Variants in ATXN10 observed in about 807,000 individuals in gnomAD.
ATXN10 encodes ataxin-10.
Under a neutral mutation model 52.9 loss-of-function variants are expected in ATXN10, and 28 were observed. The observed-to-expected ratio is 0.53, with a 90% CI of 0.39 to 0.73. The LOEUF is 0.73. ATXN10 is among the 30% of genes least tolerant of loss of function. The probability of loss-of-function intolerance (pLI) is 0.00; values close to 1 mark genes in which losing one functional copy is unlikely to be tolerated. For missense variants in ATXN10, 565 were observed against 577.0 expected (o/e 0.98, Z 0.21); for synonymous variants, 226 against 221.5 (o/e 1.02, Z -0.18).
chr22:45,751,427 TGAGA>T lies in ATXN10; in HGVS notation c.1173+10909_1173+10912del, dbSNP rs3077250. ...GGTGGTGATAGGGTTTGTGTGTTTT[TGAGA>T]GAGAGAGAGAGAGAGAGAGGAAGAG... is the stretch of plus-strand genomic sequence containing the variant. On this transcript the variant is annotated intron_variant, in intron 9 of 11. Transcript: ENST00000252934. Among the ~76,000 whole-genome samples the T allele has an allele frequency of 2.0e-4, 30 of 148,134 alleles. No individual in the cohort carries two copies. In the South Asian group the frequency reaches 3.1e-3, roughly 15 times the overall value.
chr22:45,760,668 A>G (rs941197927), intron 9 of ATXN10: 1 of 154,156 alleles, frequency 6.5e-6, no homozygotes, highest in African/African-American at 2.4e-5. Context: ...AGTTCTGAGT[A>G]TTCGTCTCTT....
intron 3 of ATXN10, among the ~76,000 whole-genome samples, chr22:45,699,203 C>T (rs535837178): frequency 6.6e-6 from 1 of 152,184 alleles, no homozygotes; most frequent in South Asian, 2.1e-4. Context: ...ATAACATTTG[C>T]AGTATTTACA....
chr22:45,735,041 G>A (rs1925239069), intron 7 of ATXN10, among the ~76,000 whole-genome samples: 1 of 151,786 alleles, frequency 6.6e-6, no homozygotes. Context: ...ACCATGTCCG[G>A]CTAATTTTTG....
chr22:45,707,797 G>C (rs914208290), intron 5 of ATXN10, among the ~76,000 whole-genome samples: 1 of 152,054 alleles, frequency 6.6e-6, no homozygotes, highest in Admixed American at 6.6e-5. Flanking sequence ...ATTTATGTGA[G>C]AGGAACTCTA....
chr22:45,730,203 A>G (rs1925033006), intron 7 of ATXN10, among the ~76,000 whole-genome samples: 1 of 151,726 alleles, frequency 6.6e-6, no homozygotes, highest in African/African-American at 2.4e-5. Flanking sequence ...AATTAACTGG[A>G]CATGGTGGCA....
intron 9 of ATXN10, among the ~76,000 whole-genome samples, chr22:45,767,245 G>A (rs1288960137): frequency 6.6e-6 from 1 of 152,166 alleles, no homozygotes; most frequent in African/African-American, 2.4e-5. Context: ...GAAATACAAT[G>A]CATTGTAAAA....
chr22:45,761,144 C>T (rs957245590), intron 9 of ATXN10, among the ~76,000 whole-genome samples: 3 of 152,030 alleles, frequency 2.0e-5, no homozygotes, highest in South Asian at 4.1e-4. Context: ...TTTTTTGAGA[C>T]GGAGTCTTGC....
In ATXN10 at chr22:45,769,455, A is replaced by G. The variant is rs775481838; in HGVS notation, c.1173+28917A>G. On this transcript the variant is annotated intron_variant, in intron 9 of 11. Transcript: ENST00000252934. This position sits in a 1 kb window ranked among gnomAD's most constrained non-coding sequence, Gnocchi z 4.2. ...CACAGAAGGCCCCCAATGCCACAGTATAGGGGGAATGGAGATGGCTTGGAA... is the reference window on the plus strand; with the variant it reads ...CACAGAAGGCCCCCAATGCCACAGTGTAGGGGGAATGGAGATGGCTTGGAA... Among the ~76,000 whole-genome samples the G allele has an allele frequency of 2.6e-5, 4 of 152,092 alleles. No individual in the cohort carries two copies. The highest frequency in any genetic ancestry group is 5.9e-5 in the Non-Finnish European group (4 of 68,012).
intron 10 of ATXN10, among the ~76,000 whole-genome samples, chr22:45,822,953 C>G (rs1251063451): frequency 6.6e-6 from 1 of 152,088 alleles, no homozygotes; most frequent in Non-Finnish European, 1.5e-5. Context: ...GAACTTTTTT[C>G]TATATCCAGG....
chr22:45,843,733 C>T lies in ATXN10; in HGVS notation c.*62C>T, dbSNP rs1241107381. ...GTTTCATGGATTTTTCATCTTCTAC[C>T]GTATGTGAAATTGCAAGTGTTTGAA... On this transcript the variant is annotated 3_prime_UTR_variant, in exon 12 of 12. Transcript: ENST00000252934. This position sits in a 1 kb window ranked among gnomAD's most constrained non-coding sequence, Gnocchi z 4.5. 9.9e-6 allele frequency: 15 copies of T among 1,514,652 alleles called. No individual in the cohort carries two copies. Among genetic ancestry groups the T allele is most frequent in the East Asian group, 6.8e-5 (3 of 44,290 alleles). The allele number at this position is 1,514,652 out of a possible 1,614,324, so 93.8% of individuals were successfully genotyped here.
At chr22:45,802,182 G>C (rs919683907) in intron 9 of ATXN10, among the ~76,000 whole-genome samples, 1 of 152,162 alleles carries the variant, frequency 6.6e-6, no homozygotes, top group Non-Finnish European at 1.5e-5. Context: ...TTTAAGCCAG[G>C]CTTATTGTCT....
intron 7 of ATXN10, among the ~76,000 whole-genome samples, chr22:45,734,891 T>C (rs1025202364): frequency 6.7e-6 from 1 of 149,746 alleles, no homozygotes; most frequent in African/African-American, 2.5e-5. Context: ...TTATTATTAT[T>C]ATTATTATTT....
chr22:45,733,334 A>G lies in ATXN10; in HGVS notation c.894+3744A>G, dbSNP rs1007327280. Among the ~76,000 whole-genome samples, 2 of 152,230 alleles carry G rather than the reference A, an allele frequency of 1.3e-5. No individual in the cohort carries two copies. The highest frequency in any genetic ancestry group is 1.3e-4 in the Admixed American group (2 of 15,284). Reference sequence around the variant, plus strand: ...CATATTTAATACATATTCTACAATAAATAGTGTATTTTTTCCACATATTAA... The same window carrying G: ...CATATTTAATACATATTCTACAATAGATAGTGTATTTTTTCCACATATTAA... On this transcript the variant is annotated intron_variant, in intron 7 of 11. Transcript: ENST00000252934. The surrounding 1 kb of genome is among the most constrained non-coding windows in gnomAD (Gnocchi z 4.4).
In ATXN10 at chr22:45,835,239, TGGCGTGGGCTCATGGGTCCTGCTTTG is replaced by T. The variant is rs1183928088; in HGVS notation, c.1238-7751_1238-7726del. The stretch of plus-strand genomic sequence containing the variant: ...ACGGGCTCATGGGTCCTGCTTTGCC[TGGCGTGGGCTCATGGGTCCTGCTTTG>T]CCTGGCGCGGGCGCTTGAGCTTTCA... On this transcript the variant is annotated intron_variant, in intron 10 of 11. Transcript: ENST00000252934. This position sits in a 1 kb window ranked among gnomAD's most constrained non-coding sequence, Gnocchi z 5.0. Among the ~76,000 whole-genome samples, 1 of 152,148 alleles carries T rather than the reference TGGCGTGGGCTCATGGGTCCTGCTTTG, an allele frequency of 6.6e-6. No homozygotes were observed. The highest frequency in any genetic ancestry group is 1.5e-5 in the Non-Finnish European group (1 of 68,032).
At chr22:45,811,673 A>G (rs1212686394) in intron 10 of ATXN10, 1 of 468,752 alleles carries the variant, frequency 2.1e-6, no homozygotes, top group African/African-American at 2.0e-5. Context: ...TGTTCACACA[A>G]TGATGATATT....
Position 45,824,936 on chromosome 22 carries a change from C to T in ATXN10, c.1237+17914C>T, listed in dbSNP as rs767008336. Among the ~76,000 whole-genome samples, 4 of 152,166 alleles carry T rather than the reference C, an allele frequency of 2.6e-5. No homozygotes were observed. The highest frequency in any genetic ancestry group is 7.2e-5 in the African/African-American group (3 of 41,438). On this transcript the variant is annotated intron_variant, in intron 10 of 11. Transcript: ENST00000252934. The surrounding 1 kb of genome is among the most constrained non-coding windows in gnomAD (Gnocchi z 5.2). ...TGAATCTGATGTAACTGTTTTGGTACGCTGAAGTCCACTGAAGTCTTGCAA... is the reference window on the plus strand; with the variant it reads ...TGAATCTGATGTAACTGTTTTGGTATGCTGAAGTCCACTGAAGTCTTGCAA...
At chr22:45,752,932 C>G (rs1041424792) in intron 9 of ATXN10, among the ~76,000 whole-genome samples, 6 of 151,924 alleles carry the variant, frequency 3.9e-5, no homozygotes, top group Non-Finnish European at 8.8e-5. Context: ...TGGGGTTTTC[C>G]CATGTTGGTC....
rs973025268 is a variant in ATXN10, at chr22:45,816,223, C to T, written c.1237+9201C>T. On this transcript the variant is annotated intron_variant, in intron 10 of 11. Coordinates refer to ENST00000252934, the MANE Select transcript of ATXN10 (RefSeq NM_013236.4). The surrounding 1 kb of genome is among the most constrained non-coding windows in gnomAD (Gnocchi z 5.8). ...AGCTGAGATTGTGTCATTGGCACGCCAGCCTGGGTGTTGCAGCAAGACTCT... is the reference window on the plus strand; with the variant it reads ...AGCTGAGATTGTGTCATTGGCACGCTAGCCTGGGTGTTGCAGCAAGACTCT... Among the ~76,000 whole-genome samples, 4 of 152,076 alleles carry T rather than the reference C, an allele frequency of 2.6e-5. No individual in the cohort carries two copies. Among genetic ancestry groups the T allele is most frequent in the Non-Finnish European group, 4.4e-5 (3 of 68,012 alleles).
chr22:45,672,172 C>A lies in ATXN10; in HGVS notation c.109C>A (p.Arg37=). 6 of 1,535,128 alleles carry A rather than the reference C, an allele frequency of 3.9e-6. No homozygotes were observed. Among genetic ancestry groups the A allele is most frequent in the Non-Finnish European group, 5.2e-6 (6 of 1,143,368 alleles). Residue 37 remains arginine, a synonymous_variant, in exon 1 of 12, where the codon CGG becomes AGG. Coordinates refer to ENST00000252934, the MANE Select transcript of ATXN10 (RefSeq NM_013236.4). The stretch of plus-strand genomic sequence containing the variant: ...GCTCACGGCGCTCTTCAAAGAGCAG[C>A]GGAACCGGTAACGGGTCCGGCCGGG... ...RALTALFKEQ[R]NRETAPRTIF...
Sources: gnomAD v4.1 joint callset for allele counts (sites outside exome capture counted in the v4.1 genomes callset) on GRCh38, gnomAD v4.1.1 for gene constraint, Gnocchi (gnomAD v3.1) non-coding constraint, MANE v1.5 for transcripts, NCBI Gene and HGNC (gene_info 2026-07-23, HGNC 2026-07-21) for gene names.